UBR3: variants seen among roughly 807,000 people sequenced by gnomAD.
The protein encoded by UBR3 is ubiquitin protein ligase E3 component n-recognin 3.
In UBR3, 85 loss-of-function variants were observed where a neutral mutation model predicts 243.2. That is an observed-to-expected ratio of 0.35 (90% confidence interval 0.29 to 0.42). The LOEUF is 0.42. Ranked by LOEUF, UBR3 falls within the 10% of genes least tolerant of loss-of-function variation. The probability of loss-of-function intolerance (pLI) is 1.00; values close to 1 mark genes in which losing one functional copy is unlikely to be tolerated. For missense variants in UBR3, 1,686 were observed against 2,300.8 expected, an observed-to-expected ratio of 0.73 and a Z score of 5.47; for synonymous variants, 748 against 799.8, an observed-to-expected ratio of 0.94 and a Z score of 1.09.
intron 24 of UBR3, among the ~76,000 whole-genome samples, chr2:169,971,783 A>G (rs1215951985): frequency 6.6e-6 from 1 of 152,184 alleles, no homozygotes; most frequent in Non-Finnish European, 1.5e-5. Context: ...AGGGAAATTT[A>G]TAGCACTAAA....
intron 11 of UBR3, among the ~76,000 whole-genome samples, chr2:169,916,127 T>A (rs745965256): frequency 1.3e-5 from 2 of 152,130 alleles, no homozygotes; most frequent in Non-Finnish European, 2.9e-5. Context: ...CTCCCAGGAC[T>A]TCACAGTGAA....
At chr2:170,065,228 T>C (rs997369056) in intron 35 of UBR3, among the ~76,000 whole-genome samples, 5 of 152,238 alleles carry the variant, frequency 3.3e-5, no homozygotes, top group Non-Finnish European at 7.3e-5. Context: ...ATCTTCAATT[T>C]ATAGTTTTAA....
intron 3 of UBR3, among the ~76,000 whole-genome samples, chr2:169,876,860 G>A (rs62170277): frequency 0.065 from 9,919 of 152,116 alleles, 340 homozygotes; most frequent in Non-Finnish European, 0.084. Flanking sequence ...CACCACGCCC[G>A]GCCCTACGTC....
rs566312466 is a variant in UBR3 at position 170,028,221 on chromosome 2, CAT to C, written c.4454-1122_4454-1121del. On this transcript the variant is annotated intron_variant, in intron 30 of 38. Coordinates refer to ENST00000272793, the MANE Select transcript of UBR3 (RefSeq NM_172070.4). Reference sequence around the variant, plus strand: ...TTTATTTTACTCAAATTACAGCTCCCATATGTTTTATAACAGCTTCCCAAAAT... The same window carrying C: ...TTTATTTTACTCAAATTACAGCTCCCATGTTTTATAACAGCTTCCCAAAAT... Among the ~76,000 whole-genome samples the C allele has an allele frequency of 1.7e-3, 256 of 151,844 alleles. 2 individuals are homozygous for C. The highest frequency in any genetic ancestry group is 0.013 in the Admixed American group (200 of 15,218).
Position 170,003,450 on chromosome 2 carries a change from A to T in UBR3, c.4029+2036A>T, listed in dbSNP as rs913317060. Among the ~76,000 whole-genome samples, 3 of 121,576 alleles carry T rather than the reference A, an allele frequency of 2.5e-5. No individual in the cohort carries two copies. In the Admixed American group the frequency reaches 2.7e-4, roughly 11 times the overall value. The allele number at this position is 121,576 out of a possible 152,430, so 79.8% of individuals were successfully genotyped here. A position where few individuals can be genotyped will look rare whatever the true frequency, so the allele number is the denominator to read the frequency against. On this transcript the variant is annotated intron_variant, in intron 27 of 38. Coordinates refer to ENST00000272793, the MANE Select transcript of UBR3 (RefSeq NM_172070.4). The stretch of plus-strand genomic sequence containing the variant: ...CTTAAACACATTATGCATTTTTCAT[A>T]TCCCTGTATTCAACTATTCCTTCAG...
At chr2:169,918,573 G>T (rs7599451) in intron 11 of UBR3, among the ~76,000 whole-genome samples, 148,470 of 151,950 alleles carry the variant, frequency 0.98, 72,618 homozygotes, top group East Asian at 1. Context: ...TCTCCTGCCT[G>T]GGCCTCCCAA....
intron 29 of UBR3, chr2:170,014,908 G>A (rs2090189197): frequency 6.3e-6 from 1 of 159,506 alleles, no homozygotes; most frequent in African/African-American, 2.4e-5. Flanking sequence ...CCTACACAGT[G>A]GCTGACGTTG....
In UBR3 at chr2:170,015,325, G is replaced by A. The variant is rs1218480522; in HGVS notation, c.4412G>A (p.Cys1471Tyr). The A allele has an allele frequency of 6.2e-7, 1 of 1,611,734 alleles. No individual in the cohort carries two copies. Among genetic ancestry groups the A allele is most frequent in the South Asian group, 1.1e-5 (1 of 90,902 alleles). ...TTGATTCATCGAGGAGGCAATTTGT[G>A]TTCAGGTGGTGCAAGCACAGCTGGC... ...LELIHRGGNL[C>Y]SGGASTAGKR... The change falls in exon 30 of 39, where the codon TGT becomes TAT. Residue 1471 changes from cysteine (C) to tyrosine (Y), a missense_variant. This residue lies in a region of UBR3 where 371 missense variants were observed against 422.5 expected (regional missense o/e 0.88). Coordinates refer to ENST00000272793, the MANE Select transcript of UBR3 (RefSeq NM_172070.4).
chr2:170,080,611 A>G lies in UBR3; in HGVS notation c.5476A>G (p.Ile1826Val). 6.2e-7 allele frequency: 1 copy of G among 1,614,046 alleles called. No individual in the cohort carries two copies. The highest frequency in any genetic ancestry group is 8.5e-7 in the Non-Finnish European group (1 of 1,179,954). Residue 1826 changes from isoleucine to valine, a missense_variant, in exon 38 of 39, where the codon ATT (isoleucine) becomes GTT (valine). Around this residue, in one of 8 missense-constraint regions of UBR3, gnomAD observed 89 missense variants for 183.3 expected, o/e 0.49. Coordinates refer to ENST00000272793, the MANE Select transcript of UBR3 (RefSeq NM_172070.4). ...GATCAATGCATCGGTAATTATCATC[A>G]TTCGAGGTCACCGCTTCTGCCTCTG... Reference protein sequence around the residue: ...LLINASVIIIIRGHRFCLWGS... With the variant: ...LLINASVIIIVRGHRFCLWGS...
chr2:169,983,992 G>C (rs1048491027), intron 24 of UBR3, among the ~76,000 whole-genome samples: 2 of 152,096 alleles, frequency 1.3e-5, no homozygotes, highest in Admixed American at 6.5e-5. Context: ...TTCATTATTA[G>C]TCTCTAGTAA....
At chr2:169,909,559 G>A (rs1365759878) in intron 10 of UBR3, among the ~76,000 whole-genome samples, 3 of 151,948 alleles carry the variant, frequency 2.0e-5, no homozygotes, top group South Asian at 4.1e-4. Flanking sequence ...CTAGGGAGGA[G>A]GAATAACTTT....
At chr2:170,021,356 G>T (rs1410729984) in intron 30 of UBR3, among the ~76,000 whole-genome samples, 1 of 152,096 alleles carries the variant, frequency 6.6e-6, no homozygotes, top group African/African-American at 2.4e-5. Context: ...AGATCTGGAG[G>T]CTGGGAAGTC....
At chr2:169,864,906 C>CA (rs11336906) in intron 1 of UBR3, among the ~76,000 whole-genome samples, 4,616 of 63,620 alleles carry the variant, frequency 0.073, 149 homozygotes, top group Non-Finnish European at 0.082. Context: ...GACTCCGTCT[C>CA]AAAAAAAAAA....
chr2:170,043,840 T>C (rs2091022864), intron 32 of UBR3, among the ~76,000 whole-genome samples: 1 of 152,202 alleles, frequency 6.6e-6, no homozygotes, highest in Admixed American at 6.5e-5. Context: ...TTTACAATAA[T>C]TCAAGATTGG....
At chr2:169,891,414 G>A (rs1270836888) in intron 6 of UBR3, among the ~76,000 whole-genome samples, 183 bp downstream of exon 6, 1 of 152,026 alleles carries the variant, frequency 6.6e-6, no homozygotes, top group East Asian at 1.9e-4. Flanking sequence ...ATTGGGTTTT[G>A]TTCATTATTT....
chr2:169,953,736 A>T (rs561750445), intron 23 of UBR3, among the ~76,000 whole-genome samples: 3 of 152,368 alleles, frequency 2.0e-5, no homozygotes, highest in African/African-American at 4.8e-5. Context: ...ATAGATTTTT[A>T]AAAAGTACAC....
At chr2:170,033,521 T>G (rs540748563) in intron 31 of UBR3, among the ~76,000 whole-genome samples, 1 of 151,220 alleles carries the variant, frequency 6.6e-6, no homozygotes, top group Non-Finnish European at 1.5e-5. Context: ...ATTGTATGCT[T>G]CTTTTCCTAG....
In UBR3 at chr2:169,845,056, C is replaced by G. The variant is rs148281204; in HGVS notation, c.545+17004C>G. Among the ~76,000 whole-genome samples the G allele has an allele frequency of 2.9e-3, 438 of 152,234 alleles. 1 individual carries two copies. Among genetic ancestry groups the G allele is most frequent in the African/African-American group, 1.0e-2 (415 of 41,548 alleles). On this transcript the variant is annotated intron_variant, in intron 1 of 38. Coordinates refer to ENST00000272793, the MANE Select transcript of UBR3 (RefSeq NM_172070.4). ...GCATCCCACATTTTTGATATATTTT[C>G]ATTTTTATGCAGTTCAAAATATCTT...
chr2:170,053,501 T>C (rs575608011), intron 32 of UBR3, among the ~76,000 whole-genome samples: 9 of 152,334 alleles, frequency 5.9e-5, no homozygotes, highest in South Asian at 2.1e-4. Flanking sequence ...TTCCCTTTGC[T>C]GATTTTAACT....
Sources: gnomAD v4.1 joint callset for allele counts (sites outside exome capture counted in the v4.1 genomes callset) on GRCh38, gnomAD v4.1.1 for gene constraint, gnomAD v4.1.1 regional missense constraint, MANE v1.5 for transcripts, NCBI Gene and HGNC (gene_info 2026-07-23, HGNC 2026-07-21) for gene names.